Variants in ME3 observed in about 807,000 individuals in gnomAD.
The protein encoded by ME3 is NADP-dependent malic enzyme, mitochondrial.
A neutral mutation model predicts 68.9 loss-of-function variants in ME3; 48 were observed. The observed-to-expected ratio is 0.70, with a 90% CI of 0.55 to 0.89. The LOEUF is 0.89. Among genes scored for constraint, ME3 ranks in the 40% least tolerant of loss-of-function variants. The pLI is 0.00. For synonymous variants in ME3, 320 were observed against 318.8 expected, an observed-to-expected ratio of 1.00 and a Z score of -0.04; for missense variants, 675 against 797.4, an observed-to-expected ratio of 0.85 and a Z score of 1.85.
At chr11:86,614,139 G>C (rs1450313363) in intron 2 of ME3, among the ~76,000 whole-genome samples, 2 of 152,092 alleles carry the variant, frequency 1.3e-5, no homozygotes, top group Non-Finnish European at 2.9e-5. Context: ...TCAGCACTTT[G>C]AATCAGAATC....
At chr11:86,613,406 G>A (rs112576538) in intron 2 of ME3, among the ~76,000 whole-genome samples, 4 of 152,268 alleles carry the variant, frequency 2.6e-5, no homozygotes, top group African/African-American at 9.6e-5. Context: ...TTGAAAACTG[G>A]TACAAGACAA....
At chr11:86,507,988 AAAAT>A (rs1327682017) in intron 5 of ME3, among the ~76,000 whole-genome samples, 2 of 152,026 alleles carry the variant, frequency 1.3e-5, no homozygotes, top group Non-Finnish European at 2.9e-5. Flanking sequence ...AAAAAAAAAA[AAAAT>A]ATGGCAACTT....
At chr11:86,655,040 G>A (rs1272562920) in intron 2 of ME3, among the ~76,000 whole-genome samples, 2 of 152,120 alleles carry the variant, frequency 1.3e-5, no homozygotes, top group Admixed American at 6.6e-5. Context: ...CAACTTACAA[G>A]GGATGTGAAA....
chr11:86,466,820 G>C (rs895908376), intron 7 of ME3, among the ~76,000 whole-genome samples: 3 of 152,328 alleles, frequency 2.0e-5, no homozygotes, highest in Admixed American at 2.0e-4. Context: ...CCACAGTCCA[G>C]TGCTTAGAGT....
chr11:86,527,697 A>G (rs540466908), intron 4 of ME3, among the ~76,000 whole-genome samples: 4 of 152,344 alleles, frequency 2.6e-5, no homozygotes, highest in African/African-American at 9.6e-5. Flanking sequence ...GTGGGGGCCA[A>G]TATTCAACAT....
At chr11:86,610,704 C>T (rs1243514290) in intron 2 of ME3, among the ~76,000 whole-genome samples, 1 of 112,076 alleles carries the variant, frequency 8.9e-6, no homozygotes, top group African/African-American at 3.5e-5. Flanking sequence ...AGGCAGATTG[C>T]TGCAATAGGG....
intron 2 of ME3, among the ~76,000 whole-genome samples, chr11:86,580,240 G>A (rs1053045032): frequency 2.0e-5 from 3 of 152,162 alleles, no homozygotes; most frequent in African/African-American, 7.2e-5. Context: ...TGAAGGAAGC[G>A]ATGTTGATGT....
intron 2 of ME3, among the ~76,000 whole-genome samples, chr11:86,578,025 C>A (rs2226858): frequency 3.2e-4 from 49 of 152,242 alleles, no homozygotes; most frequent in African/African-American, 1.2e-3. Context: ...GATTCCATTT[C>A]TTTTCAAGAG....
intron 2 of ME3, among the ~76,000 whole-genome samples, chr11:86,623,569 G>A (rs1943479432): frequency 6.6e-6 from 1 of 152,192 alleles, no homozygotes; most frequent in Non-Finnish European, 1.5e-5. Flanking sequence ...AAGTAAAAGT[G>A]CTTAGAACAG....
In ME3 at chr11:86,559,291, A is replaced by G. The variant is rs1310305201; in HGVS notation, c.317+399T>C. ...CTAATTCCAGGAACCCAAGCCACGT[A>G]CTACTTCCTTAACAGGCCTGTCTCT... On this transcript the variant is annotated intron_variant, in intron 3 of 14. Coordinates refer to ENST00000543262, the Ensembl canonical transcript of ME3. Among the ~76,000 whole-genome samples the G allele has an allele frequency of 2.0e-5, 3 of 151,564 alleles. No homozygotes were observed. The East Asian group carries it at 5.8e-4, about 29-fold the overall frequency.
intron 6 of ME3, among the ~76,000 whole-genome samples, chr11:86,492,924 A>C (rs1490216072): frequency 6.6e-6 from 1 of 152,088 alleles, no homozygotes; most frequent in Non-Finnish European, 1.5e-5. Flanking sequence ...GGGGTCTGGG[A>C]GGTCACGGGA....
At chr11:86,531,354 T>G (rs1955214822) in intron 4 of ME3, among the ~76,000 whole-genome samples, 1 of 151,916 alleles carries the variant, frequency 6.6e-6, no homozygotes, top group African/African-American at 2.4e-5. Context: ...AAACAACAGG[T>G]GCTGGAGAGG....
chr11:86,487,515 G>C, intron 6 of ME3, 75 bp from the exon 7 acceptor site: 1 of 1,194,878 alleles, frequency 8.4e-7, no homozygotes, highest in Non-Finnish European at 1.2e-6. Context: ...AAGTATCCAG[G>C]ATTATTAGGA....
At chr11:86,660,675 C>A (rs916197974) in intron 2 of ME3, among the ~76,000 whole-genome samples, 1 of 152,186 alleles carries the variant, frequency 6.6e-6, no homozygotes, top group African/African-American at 2.4e-5. Flanking sequence ...TTCTAGCTGA[C>A]TACTTTCCTT....
intron 6 of ME3, chr11:86,489,012 G>A (rs371882950): frequency 5.3e-5 from 8 of 152,314 alleles, no homozygotes; most frequent in African/African-American, 1.2e-4. Context: ...ACAAGGAAAG[G>A]TTGAGGGCTG....
chr11:86,526,702 T>C (rs1954780416), intron 4 of ME3, among the ~76,000 whole-genome samples: 1 of 152,220 alleles, frequency 6.6e-6, no homozygotes, highest in Non-Finnish European at 1.5e-5. Flanking sequence ...CAACATTTGC[T>C]GTTCACCAAT....
chr11:86,604,843 A>C (rs1307564974), intron 2 of ME3, among the ~76,000 whole-genome samples: 1 of 152,186 alleles, frequency 6.6e-6, no homozygotes, highest in Non-Finnish European at 1.5e-5. Context: ...GAATTAATCC[A>C]TTGTATCTTA....
chr11:86,494,966 C>G (rs1952229153), intron 6 of ME3, among the ~76,000 whole-genome samples: 1 of 152,118 alleles, frequency 6.6e-6, no homozygotes, highest in Admixed American at 6.5e-5. Context: ...GAAAGAAACA[C>G]AAATGCAACA....
chr11:86,650,535 GA>G (rs1256173939), intron 2 of ME3, among the ~76,000 whole-genome samples: 1 of 152,172 alleles, frequency 6.6e-6, no homozygotes, highest in Admixed American at 6.5e-5. Flanking sequence ...TACAGAATGG[GA>G]GAAAATTTTT....
Sources: gnomAD v4.1 joint callset for allele counts (sites outside exome capture counted in the v4.1 genomes callset) on GRCh38, gnomAD v4.1.1 for gene constraint, MANE v1.5 for transcripts, NCBI Gene and HGNC (gene_info 2026-07-23, HGNC 2026-07-21) for gene names.